The following METAP1 variants were observed in gnomAD, a reference collection of about 807,000 sequenced individuals.
METAP1 encodes the protein methionine aminopeptidase 1.
In METAP1, 28 loss-of-function variants were observed where a neutral mutation model predicts 53.8. That is an observed-to-expected ratio of 0.52 (90% CI 0.39 to 0.71). The LOEUF is 0.71. Ranked by LOEUF, METAP1 falls within the 30% of genes least tolerant of loss-of-function variation. The probability of loss-of-function intolerance (pLI) is 0.00; values close to 1 mark genes in which losing one functional copy is unlikely to be tolerated. For synonymous variants in METAP1, 181 were observed against 165.7 expected (o/e 1.09, Z -0.71); for missense variants, 389 against 479.8 (o/e 0.81, Z 1.77).
chr4:99,058,104 C>T (rs1727283210), intron 10 of METAP1, among the ~76,000 whole-genome samples: 1 of 152,042 alleles, frequency 6.6e-6, no homozygotes, highest in African/African-American at 2.4e-5. Context: ...ATGAGGTGCC[C>T]AGGTCAAGTC....
At chr4:99,042,788 A>G (rs993506968) in intron 6 of METAP1, among the ~76,000 whole-genome samples, 20 of 152,108 alleles carry the variant, frequency 1.3e-4, no homozygotes, top group African/African-American at 4.8e-4. Flanking sequence ...GAGGTTGAGT[A>G]TCCCTTATCT....
intron 1 of METAP1, among the ~76,000 whole-genome samples, chr4:99,028,632 A>G (rs1211388945): frequency 2.6e-5 from 4 of 152,216 alleles, no homozygotes; most frequent in African/African-American, 7.2e-5. Flanking sequence ...TGTGACTATT[A>G]TATAACATTT....
intron 9 of METAP1, among the ~76,000 whole-genome samples, 173 bp from the exon 10 acceptor site, chr4:99,057,580 A>G (rs899067196): frequency 6.6e-6 from 1 of 152,208 alleles, no homozygotes; most frequent in African/African-American, 2.4e-5. Flanking sequence ...TACGTGCACC[A>G]TATTAGATGG....
chr4:99,040,076 G>A (rs1279840338), intron 5 of METAP1, among the ~76,000 whole-genome samples: 1 of 152,220 alleles, frequency 6.6e-6, no homozygotes, highest in African/African-American at 2.4e-5. Flanking sequence ...TTAGTCAACA[G>A]TTTTCTTCTT....
intron 1 of METAP1, among the ~76,000 whole-genome samples, chr4:99,000,673 T>TTTA (rs1553939484): frequency 6.7e-6 from 1 of 148,444 alleles, no homozygotes; most frequent in African/African-American, 2.6e-5. Context: ...TTTTTTTTTT[T>TTTA]AAATAACAAG....
intron 1 of METAP1, among the ~76,000 whole-genome samples, chr4:99,000,694 TTCTC>T (rs1217094478): frequency 6.0e-5 from 9 of 150,684 alleles, no homozygotes; most frequent in East Asian, 1.9e-4. Context: ...ACAGTTTTTC[TTCTC>T]TCTCTCTCTT....
In METAP1 at chr4:99,043,858, C is replaced by A. The variant is rs1398465186; in HGVS notation, c.655+471C>A. ...TATGTTAAGCTACCTTGGGAAGTTACAAGTATAGAGAGTAGAGGAAGTAGT... is the reference window on the plus strand; with the variant it reads ...TATGTTAAGCTACCTTGGGAAGTTAAAAGTATAGAGAGTAGAGGAAGTAGT... On this transcript the variant is annotated intron_variant, in intron 7 of 10. Coordinates refer to ENST00000296411, the MANE Select transcript of METAP1 (RefSeq NM_015143.3). 3.9e-5 allele frequency among the ~76,000 whole-genome samples: 6 copies of A among 152,260 alleles called. 1 individual carries two copies. The Middle Eastern group carries it at 0.014, about 345-fold the overall frequency.
chr4:98,996,431 A>G (rs1722633664), intron 1 of METAP1, among the ~76,000 whole-genome samples: 1 of 152,246 alleles, frequency 6.6e-6, no homozygotes, highest in South Asian at 2.1e-4. Flanking sequence ...AGCTAGCTCC[A>G]GCCCCACTTC....
chr4:99,026,531 G>A (rs1003985042), intron 1 of METAP1: 2 of 985,230 alleles, frequency 2.0e-6, no homozygotes, highest in African/African-American at 3.5e-5. Flanking sequence ...AAGAGATTGG[G>A]AAGTGTGGTG....
intron 2 of METAP1, chr4:99,031,337 C>T: frequency 9.7e-6 from 5 of 516,102 alleles, no homozygotes; most frequent in Non-Finnish European, 1.2e-5. Flanking sequence ...CTGACATATT[C>T]AGTGTGTTTG....
intron 2 of METAP1, chr4:99,031,693 G>T: frequency 1.2e-6 from 1 of 867,730 alleles, no homozygotes; most frequent in South Asian, 1.4e-5. Context: ...AATCATCTCT[G>T]GAAGACTTGA....
chr4:99,014,718 G>T (rs893884215), intron 1 of METAP1, among the ~76,000 whole-genome samples: 2 of 152,122 alleles, frequency 1.3e-5, no homozygotes, highest in African/African-American at 4.8e-5. Flanking sequence ...TAGCCAATTG[G>T]ACTAGAGTGC....
At chr4:99,023,063 C>T in intron 1 of METAP1, 1 of 1,354,928 alleles carries the variant, frequency 7.4e-7, no homozygotes, top group Non-Finnish European at 1.0e-6. Flanking sequence ...TCCTCCACAT[C>T]TAGTGTCTGG....
chr4:98,995,889 G>T, intron 1 of METAP1, 22 bp downstream of exon 1: 2 of 1,518,406 alleles, frequency 1.3e-6, no homozygotes, highest in Non-Finnish European at 1.8e-6. Context: ...CTGCCCCGCG[G>T]ATATGCCGCC....
intron 2 of METAP1, among the ~76,000 whole-genome samples, chr4:99,030,980 T>C (rs1229360457): frequency 2.0e-5 from 3 of 152,028 alleles, no homozygotes; most frequent in Non-Finnish European, 4.4e-5. Flanking sequence ...TCTTCTTAAA[T>C]GTTTGATAGA....
At chr4:99,040,951 T>C in intron 5 of METAP1, 92 bp from the exon 6 acceptor site, 1 of 595,294 alleles carries the variant, frequency 1.7e-6, no homozygotes, top group Non-Finnish European at 2.7e-6. Context: ...GGGAGATTCA[T>C]TTTTACCAAT....
chr4:99,039,245 C>T (rs1044958392), intron 4 of METAP1, 129 bp from the exon 5 acceptor site: 1 of 570,624 alleles, frequency 1.8e-6, no homozygotes, highest in Non-Finnish European at 3.1e-6. Flanking sequence ...CCTAGACCAT[C>T]CCAAATCATG....
chr4:99,047,989 T>C (rs1203183020), intron 8 of METAP1, among the ~76,000 whole-genome samples: 2 of 152,236 alleles, frequency 1.3e-5, no homozygotes, highest in African/African-American at 4.8e-5. Flanking sequence ...AGTAAGTCTT[T>C]TAGAAGTTGT....
intron 9 of METAP1, among the ~76,000 whole-genome samples, chr4:99,056,544 T>A (rs1727131992): frequency 6.7e-6 from 1 of 148,634 alleles, no homozygotes. Context: ...TTGTTTTTTG[T>A]TTTGTTTTTT....
Sources: gnomAD v4.1 joint callset for allele counts (sites outside exome capture counted in the v4.1 genomes callset) on GRCh38, gnomAD v4.1.1 for gene constraint, MANE v1.5 for transcripts, NCBI Gene and HGNC (gene_info 2026-07-23, HGNC 2026-07-21) for gene names.